The following GALNT7 variants were observed in gnomAD, a reference collection of about 807,000 sequenced individuals.
GALNT7 encodes polypeptide N-acetylgalactosaminyltransferase 7.
Under a neutral mutation model 82.1 loss-of-function variants are expected in GALNT7, and 60 were observed. The ratio of observed to expected loss-of-function variants is 0.73; its 90% CI spans 0.59 to 0.91. The LOEUF (loss-of-function observed/expected upper bound fraction) is 0.91, where lower values mean the gene tolerates loss of function less well. Ranked by LOEUF, GALNT7 falls within the 40% of genes least tolerant of loss-of-function variation. The pLI is 0.00. For missense variants in GALNT7, 660 were observed against 804.2 expected, an observed-to-expected ratio of 0.82 and a Z score of 2.17; for synonymous variants, 243 against 275.1, an observed-to-expected ratio of 0.88 and a Z score of 1.15.
At chr4:173,220,826 T>C (rs1383898403) in intron 1 of GALNT7, among the ~76,000 whole-genome samples, 1 of 152,196 alleles carries the variant, frequency 6.6e-6, no homozygotes, top group African/African-American at 2.4e-5. Flanking sequence ...ACAAAGGACG[T>C]GAACTCATCA....
intron 9 of GALNT7, 79 bp from the exon 10 acceptor site, chr4:173,317,555 G>A (rs1737648169): frequency 2.3e-6 from 2 of 876,942 alleles, no homozygotes; most frequent in African/African-American, 1.7e-5. Flanking sequence ...TATTTAACAT[G>A]AAATGTTAAA....
intron 1 of GALNT7, among the ~76,000 whole-genome samples, chr4:173,245,170 C>T (rs971281241): frequency 6.8e-6 from 1 of 148,056 alleles, no homozygotes; most frequent in Non-Finnish European, 1.5e-5. Context: ...TAACAGAACC[C>T]TGAAGAACAC....
chr4:173,187,643 C>T (rs1732501306), intron 1 of GALNT7, among the ~76,000 whole-genome samples: 2 of 152,300 alleles, frequency 1.3e-5, no homozygotes, highest in African/African-American at 2.4e-5. Context: ...CTGTTCTTTA[C>T]CCCAACATAG....
chr4:173,306,566 C>A (rs1737162470), intron 8 of GALNT7, among the ~76,000 whole-genome samples: 1 of 152,104 alleles, frequency 6.6e-6, no homozygotes, highest in African/African-American at 2.4e-5. Flanking sequence ...AAGCTTTTTA[C>A]ATTGAATTTT....
chr4:173,255,957 G>A (rs1465491293), intron 2 of GALNT7, among the ~76,000 whole-genome samples: 2 of 152,182 alleles, frequency 1.3e-5, no homozygotes, highest in African/African-American at 4.8e-5. Context: ...ATTGGCTCCT[G>A]TGTGTTTGGT....
At chr4:173,298,405 A>G in intron 6 of GALNT7, 108 bp downstream of exon 6, 1 of 703,952 alleles carries the variant, frequency 1.4e-6, no homozygotes. Flanking sequence ...GTTGTCTCAG[A>G]TTCTGAAAGA....
Position 173,313,947 on chromosome 4 carries a change from T to A in GALNT7, c.1390-11T>A, listed in dbSNP as rs1323569308. The A allele has an allele frequency of 8.2e-7, 1 of 1,223,738 alleles. No individual in the cohort carries two copies. Among genetic ancestry groups the A allele is most frequent in the East Asian group, 2.4e-5 (1 of 41,036 alleles). 75.8% of individuals were successfully genotyped at this position (1,223,738 alleles called of 1,614,324 possible). On this transcript the variant is annotated splice_polypyrimidine_tract_variant and intron_variant, in intron 8 of 11. Coordinates refer to ENST00000265000, the MANE Select transcript of GALNT7 (RefSeq NM_017423.3). ...TATAACGATATATATATATATATTT[T>A]TTTTTTACAGAATTATGTTAGAGTT...
chr4:173,210,978 CA>C (rs1265912794), intron 1 of GALNT7, among the ~76,000 whole-genome samples: 2 of 151,834 alleles, frequency 1.3e-5, no homozygotes, highest in African/African-American at 4.8e-5. Context: ...CTAGTGTATT[CA>C]AAAGAATGTA....
intron 1 of GALNT7, among the ~76,000 whole-genome samples, chr4:173,199,203 G>A (rs190845789): frequency 1.3e-3 from 200 of 152,234 alleles, no homozygotes; most frequent in Non-Finnish European, 2.4e-3. Flanking sequence ...AGAGTAGTTC[G>A]GAGAAGAAAG....
intron 11 of GALNT7, chr4:173,318,782 C>T (rs1230588168): frequency 8.1e-6 from 3 of 370,018 alleles, no homozygotes; most frequent in Non-Finnish European, 1.5e-5. Context: ...TGTAATGAGG[C>T]CACGATGATG....
chr4:173,178,336 A>C (rs969749391), intron 1 of GALNT7, among the ~76,000 whole-genome samples: 15 of 152,204 alleles, frequency 9.9e-5, no homozygotes, highest in Admixed American at 7.2e-4. Flanking sequence ...AGCGTAGAGA[A>C]AATGTATGCT....
rs201653156 is a variant in GALNT7, at chr4:173,318,398, T to C, written c.1708-33T>C. The C allele has an allele frequency of 2.2e-5, 34 of 1,566,954 alleles. No individual in the cohort carries two copies. In the African/African-American group the frequency reaches 2.6e-4, roughly 12 times the overall value. On this transcript the variant is annotated intron_variant, in intron 10 of 11. Transcript: ENST00000265000. ...AATGCACATCAGCAGGGAAGGTGCC[T>C]CTGTTACTTAATTCTCTCTTTTCCT... is the stretch of plus-strand genomic sequence containing the variant.
chr4:173,264,520 A>G (rs989661726), intron 2 of GALNT7, among the ~76,000 whole-genome samples: 1 of 152,156 alleles, frequency 6.6e-6, no homozygotes, highest in African/African-American at 2.4e-5. Flanking sequence ...CTTATCTGAA[A>G]AAGAGGGAGT....
intron 7 of GALNT7, among the ~76,000 whole-genome samples, chr4:173,303,239 T>C (rs577832749): frequency 5.3e-5 from 8 of 151,102 alleles, no homozygotes; most frequent in Admixed American, 3.3e-4. Context: ...GATGCAGAAT[T>C]TGCGGCAGAA....
intron 2 of GALNT7, among the ~76,000 whole-genome samples, chr4:173,266,626 A>G (rs920191095): frequency 6.6e-6 from 1 of 152,208 alleles, no homozygotes; most frequent in African/African-American, 2.4e-5. Flanking sequence ...AATTCCAATT[A>G]TATGTAGAAG....
At chr4:173,288,154 G>A (rs983821361) in intron 2 of GALNT7, among the ~76,000 whole-genome samples, 5 of 150,658 alleles carry the variant, frequency 3.3e-5, no homozygotes, top group African/African-American at 1.2e-4. Flanking sequence ...CTGGTAGCGG[G>A]CGCCTGTAGT....
intron 1 of GALNT7, among the ~76,000 whole-genome samples, chr4:173,229,800 G>A (rs1733968605): frequency 6.6e-6 from 1 of 152,008 alleles, no homozygotes; most frequent in Admixed American, 6.6e-5. Context: ...TCTTCATGAT[G>A]GAAGTCAGTA....
At chr4:173,312,797 G>A (rs1305586676) in intron 8 of GALNT7, among the ~76,000 whole-genome samples, 2 of 152,172 alleles carry the variant, frequency 1.3e-5, no homozygotes, top group African/African-American at 2.4e-5. Context: ...AATGGCTCAC[G>A]CCTATAATAT....
chr4:173,184,978 A>G (rs897380576), intron 1 of GALNT7, among the ~76,000 whole-genome samples: 1 of 152,196 alleles, frequency 6.6e-6, no homozygotes, highest in African/African-American at 2.4e-5. Flanking sequence ...TTCTGGTACT[A>G]TCCATTTAGA....
Sources: gnomAD v4.1 joint callset for allele counts (sites outside exome capture counted in the v4.1 genomes callset) on GRCh38, gnomAD v4.1.1 for gene constraint, MANE v1.5 for transcripts, NCBI Gene and HGNC (gene_info 2026-07-23, HGNC 2026-07-21) for gene names.